The following SYNE1 variants were observed in gnomAD, a reference collection of about 807,000 sequenced individuals.
SYNE1 encodes the protein nesprin-1.
A neutral mutation model predicts 1,111.0 loss-of-function variants in SYNE1; 616 were observed. The observed-to-expected ratio is 0.55, with a 90% CI of 0.52 to 0.59. The LOEUF (loss-of-function observed/expected upper bound fraction) is 0.59. Among genes scored for constraint, SYNE1 ranks in the 20% least tolerant of loss-of-function variants. The probability of loss-of-function intolerance (pLI) is 0.00; values close to 1 mark genes in which losing one functional copy is unlikely to be tolerated. For missense variants in SYNE1, 10,006 were observed against 10,417.0 expected, an observed-to-expected ratio of 0.96 and a Z score of 1.72; for synonymous variants, 3,855 against 3,825.8, an observed-to-expected ratio of 1.01 and a Z score of -0.28.
Position 152,376,059 on chromosome 6 carries a change from C to T in SYNE1, c.9324+322G>A, listed in dbSNP as rs1453789596. 6 of 249,592 alleles carry T rather than the reference C, an allele frequency of 2.4e-5. No individual in the cohort carries two copies. The East Asian group carries it at 4.0e-4, about 16-fold the overall frequency. The allele number at this position is 249,592 out of a possible 1,614,324, so 15.5% of individuals were successfully genotyped here. A position where few individuals can be genotyped will look rare whatever the true frequency, so the allele number is the denominator to read the frequency against. On this transcript the variant is annotated intron_variant, in intron 58 of 145. Transcript: ENST00000367255. ...TGGGGTGGGGCAGGGGGGATGGTTT[C>T]GGGATGAAACTGTTCTACCTCAGAT...
At position 152,188,984 on chromosome 6, in the gene SYNE1, AATATATATATATATATATATAT is replaced by A. The variant is rs1190850842; in HGVS notation, c.23301+246_23301+267del. On this transcript the variant is annotated intron_variant, in intron 128 of 145. Transcript: ENST00000367255. ...AAAAAAAAAAAAAAAAAAAAAAAAA[AATATATATATATATATATATAT>A]ATATATATATATAAAATGCCAGCCA... 9.0e-3 allele frequency among the ~76,000 whole-genome samples: 206 copies of A among 23,002 alleles called. 2 individuals carry two copies. The highest frequency in any genetic ancestry group is 0.024 in the African/African-American group (176 of 7,360). The allele number at this position is 23,002 out of a possible 152,430, so 15.1% of individuals were successfully genotyped here. A position where few individuals can be genotyped will look rare whatever the true frequency, so the allele number is the denominator to read the frequency against.
At position 152,216,864 on chromosome 6, in the gene SYNE1, G is replaced by A. The variant is rs1013764943; in HGVS notation, c.22191+1393C>T. On this transcript the variant is annotated intron_variant, in intron 121 of 145. Transcript: ENST00000367255. The stretch of plus-strand genomic sequence containing the variant: ...AGGTCAGGAGTTCGAGACCAGCCTG[G>A]CCAACATAGTGAACCACCCCCCTCT... Among the ~76,000 whole-genome samples the A allele has an allele frequency of 7.2e-5, 11 of 152,042 alleles. No individual in the cohort carries two copies. In the East Asian group the frequency reaches 2.1e-3, roughly 30 times the overall value.
chr6:152,236,286 A>G lies in SYNE1; in HGVS notation c.20217T>C (p.Leu6739=), dbSNP rs2084017533. 6.2e-7 allele frequency: 1 copy of G among 1,613,256 alleles called. No homozygotes were observed. Among genetic ancestry groups the G allele is most frequent in the Non-Finnish European group, 8.5e-7 (1 of 1,179,296 alleles). Residue 6739 remains leucine, a synonymous_variant, in exon 110 of 146, where the codon CTT becomes CTC. Coordinates refer to ENST00000367255, the MANE Select transcript of SYNE1 (RefSeq NM_182961.4). ...ITLYQHLKSS[L]NEYQPKLYQV... ...GATATAATTTGGGCTGGTATTCATTAAGGCTAGATTTTAAATGCTAAAATA... is the reference window on the plus strand; with the variant it reads ...GATATAATTTGGGCTGGTATTCATTGAGGCTAGATTTTAAATGCTAAAATA...
At chr6:152,623,452 C>G (rs2099679771) in intron 3 of SYNE1, among the ~76,000 whole-genome samples, 1 of 152,122 alleles carries the variant, frequency 6.6e-6, no homozygotes, top group South Asian at 2.1e-4. Context: ...CCATTCATGA[C>G]ACAGGCACAG....
chr6:152,140,940 C>T (rs542288509), intron 139 of SYNE1, among the ~76,000 whole-genome samples: 178 of 152,178 alleles, frequency 1.2e-3, no homozygotes, highest in African/African-American at 4.1e-3. Flanking sequence ...GAGGCTGAGG[C>T]GGGAGAATGC....
chr6:152,568,354 G>A (rs1021962054), intron 3 of SYNE1, among the ~76,000 whole-genome samples: 2 of 123,258 alleles, frequency 1.6e-5, no homozygotes, highest in African/African-American at 3.1e-5. Context: ...GCTGGCTGAA[G>A]TACAGTGGCG....
chr6:152,378,775 C>T (rs2097340811), intron 56 of SYNE1, among the ~76,000 whole-genome samples: 3 of 152,186 alleles, frequency 2.0e-5, no homozygotes, highest in African/African-American at 7.2e-5. Context: ...GGTTTCTCAT[C>T]TGAGGATACA....
rs2096247132 is a variant in SYNE1 at position 152,331,498 on chromosome 6, G to A, written c.13187C>T (p.Ala4396Val). 6.2e-7 allele frequency: 1 copy of A among 1,614,032 alleles called. No homozygotes were observed. The highest frequency in any genetic ancestry group is 8.5e-7 in the Non-Finnish European group (1 of 1,179,994). Residue 4396 changes from alanine (A) to valine (V), a missense_variant, in exon 78 of 146, where the codon GCC (alanine) becomes GTC (valine). Ala to Val is a moderately conservative substitution (Grantham distance 64). Around this residue, in one of 7 missense-constraint regions of SYNE1, gnomAD observed 4,955 missense variants for 5,017.2 expected, o/e 0.99. Transcript: ENST00000367255. ...AAGCGATTTCAGGAGCATCTGCTTGGCCTCCAGTTCACTGCAGATGGCCAG... is the reference window on the plus strand; with the variant it reads ...AAGCGATTTCAGGAGCATCTGCTTGACCTCCAGTTCACTGCAGATGGCCAG... ...DHLAICSELE[A>V]KQMLLKSLIK...
Position 152,577,594 on chromosome 6 carries a change from C to T in SYNE1, c.68-37573G>A, listed in dbSNP as rs189614513. Among the ~76,000 whole-genome samples, 9 of 152,206 alleles carry T rather than the reference C, an allele frequency of 5.9e-5. No individual in the cohort carries two copies. The East Asian group carries it at 1.4e-3, about 23-fold the overall frequency. ...CTTGCAGTGAGCCGAGATGGTGCCACTGCACTCCAGCCTGGGGGACAGAGC... is the reference window on the plus strand; with the variant it reads ...CTTGCAGTGAGCCGAGATGGTGCCATTGCACTCCAGCCTGGGGGACAGAGC... On this transcript the variant is annotated intron_variant, in intron 3 of 145. Transcript: ENST00000367255.
At chr6:152,407,455 C>T (rs751205159) in intron 44 of SYNE1, among the ~76,000 whole-genome samples, 10 of 152,166 alleles carry the variant, frequency 6.6e-5, no homozygotes, top group Non-Finnish European at 1.5e-4. Context: ...CTAACAACAA[C>T]AGGTCCATTG....
At chr6:152,200,120 A>T (rs1563435829) in intron 127 of SYNE1, among the ~76,000 whole-genome samples, 1 of 152,242 alleles carries the variant, frequency 6.6e-6, no homozygotes, top group Non-Finnish European at 1.5e-5. Flanking sequence ...AAAAGTACAT[A>T]ATAACACCAC....
In SYNE1 at chr6:152,489,457, C is replaced by CTTTT. The variant is rs3076635; in HGVS notation, c.940-958_940-955dup. Among the ~76,000 whole-genome samples, 174 of 112,276 alleles carry CTTTT rather than the reference C, an allele frequency of 1.5e-3. 1 individual carries two copies. Among genetic ancestry groups the CTTTT allele is most frequent in the East Asian group, 5.7e-3 (21 of 3,690 alleles). 73.7% of individuals were successfully genotyped at this position (112,276 alleles called of 152,430 possible). A position where few individuals can be genotyped will look rare whatever the true frequency, so the allele number is the denominator to read the frequency against. ...CATTAGCTCTGTGAGCTTGGTGTGTCTTTTTTTTTTTTTTTTTTCGTTAAC... is the reference window on the plus strand; with the variant it reads ...CATTAGCTCTGTGAGCTTGGTGTGTCTTTTTTTTTTTTTTTTTTTTTTCGTTAAC... On this transcript the variant is annotated intron_variant, in intron 11 of 145. Coordinates refer to ENST00000367255, the MANE Select transcript of SYNE1 (RefSeq NM_182961.4).
At chr6:152,512,145 A>C (rs2099088285) in intron 6 of SYNE1, among the ~76,000 whole-genome samples, 1 of 152,154 alleles carries the variant, frequency 6.6e-6, no homozygotes, top group Non-Finnish European at 1.5e-5. Context: ...TTACTCTTGA[A>C]AGTTTAAATT....
chr6:152,573,965 G>A (rs1282595360), intron 3 of SYNE1, among the ~76,000 whole-genome samples: 2 of 152,050 alleles, frequency 1.3e-5, no homozygotes, highest in Non-Finnish European at 2.9e-5. Context: ...CGGGCTGTGG[G>A]AGCTGGGGGA....
intron 144 of SYNE1, among the ~76,000 whole-genome samples, chr6:152,131,043 A>G (rs918086452): frequency 1.3e-5 from 2 of 152,244 alleles, no homozygotes; most frequent in Admixed American, 1.3e-4. Flanking sequence ...ATGGCTTTTC[A>G]TGGTAGAAAC....
intron 115 of SYNE1, among the ~76,000 whole-genome samples, chr6:152,226,523 A>G (rs1221678590): frequency 6.6e-6 from 1 of 152,246 alleles, no homozygotes; most frequent in Non-Finnish European, 1.5e-5. Flanking sequence ...TATTTGGGAT[A>G]TGCATTCATA....
chr6:152,384,772 G>A (rs1028242378), intron 55 of SYNE1, among the ~76,000 whole-genome samples: 1 of 151,912 alleles, frequency 6.6e-6, no homozygotes, highest in African/African-American at 2.4e-5. Context: ...GCAGCTACTC[G>A]GGAGGCTGAG....
chr6:152,494,729 G>A (rs532270905), intron 11 of SYNE1, among the ~76,000 whole-genome samples: 2 of 152,214 alleles, frequency 1.3e-5, no homozygotes, highest in Admixed American at 6.5e-5. Flanking sequence ...GTCCTCCATC[G>A]TTAATGACTC....
chr6:152,359,292 A>G (rs1386569284), intron 65 of SYNE1, 23 bp downstream of exon 65: 2 of 1,613,080 alleles, frequency 1.2e-6, no homozygotes, highest in Non-Finnish European at 1.7e-6. Flanking sequence ...TGGTGAGTCT[A>G]CAAGGAAAGT....
Sources: allele counts gnomAD v4.1 joint callset (sites outside exome capture counted in the v4.1 genomes callset), GRCh38; gene constraint gnomAD v4.1.1; regional missense constraint gnomAD v4.1.1; transcripts MANE v1.5; gene names NCBI Gene and HGNC (gene_info 2026-07-23, HGNC 2026-07-21).